FRMD5: variants seen among roughly 807,000 people sequenced by gnomAD.
FRMD5 encodes the protein FERM domain-containing protein 5.
In FRMD5, 20 loss-of-function variants were observed where a neutral mutation model predicts 69.0. That is an observed-to-expected ratio of 0.29 (90% CI 0.20 to 0.42). The LOEUF is 0.42. FRMD5 is among the 10% of genes least tolerant of loss of function. The probability of loss-of-function intolerance (pLI) is 1.00; values close to 1 mark genes in which losing one functional copy is unlikely to be tolerated. For missense variants in FRMD5, 595 were observed against 708.6 expected (o/e 0.84, Z 1.82); for synonymous variants, 271 against 260.1 (o/e 1.04, Z -0.40).
intron 4 of FRMD5, chr15:43,917,644 C>T (rs1164367839): frequency 6.6e-6 from 1 of 152,298 alleles, no homozygotes; most frequent in East Asian, 1.9e-4. Context: ...CTCAGCCTCC[C>T]AAAGTTCTGG....
intron 1 of FRMD5, among the ~76,000 whole-genome samples, chr15:44,017,538 C>G (rs887966125): frequency 6.6e-6 from 1 of 151,834 alleles, no homozygotes; most frequent in African/African-American, 2.4e-5. Flanking sequence ...ACTGTGTACA[C>G]TGATAAATCA....
At chr15:43,992,523 G>C (rs1249667542) in intron 1 of FRMD5, among the ~76,000 whole-genome samples, 3 of 151,986 alleles carry the variant, frequency 2.0e-5, no homozygotes, top group Non-Finnish European at 4.4e-5. Flanking sequence ...GACTACAGGT[G>C]CATGCTACTA....
At chr15:44,083,224 A>G (rs1442227049) in intron 1 of FRMD5, among the ~76,000 whole-genome samples, 2 of 152,026 alleles carry the variant, frequency 1.3e-5, no homozygotes, top group African/African-American at 4.8e-5. Context: ...TCTCTTTGGT[A>G]TGCTAGGAAG....
chr15:44,178,600 T>A (rs1435213141), intron 1 of FRMD5, among the ~76,000 whole-genome samples: 1 of 152,174 alleles, frequency 6.6e-6, no homozygotes, highest in Admixed American at 6.5e-5. Context: ...GAGTCCTCCC[T>A]CTGAAAGGTG....
intron 1 of FRMD5, among the ~76,000 whole-genome samples, chr15:44,008,822 C>T (rs528002569): frequency 3.9e-4 from 59 of 151,840 alleles, no homozygotes; most frequent in African/African-American, 1.4e-3. Context: ...GTCAGAAGAT[C>T]GACACCATCC....
intron 1 of FRMD5, among the ~76,000 whole-genome samples, chr15:44,109,612 T>C (rs917122193): frequency 6.6e-6 from 1 of 152,154 alleles, no homozygotes; most frequent in Non-Finnish European, 1.5e-5. Flanking sequence ...GGTGGTACAT[T>C]TGTTATAATC....
At chr15:44,008,773 T>C (rs1328624334) in intron 1 of FRMD5, among the ~76,000 whole-genome samples, 1 of 151,744 alleles carries the variant, frequency 6.6e-6, no homozygotes, top group Non-Finnish European at 1.5e-5. Flanking sequence ...ACACCTGTAA[T>C]CCCAGCACTT....
rs201130156 is a variant in FRMD5, at chr15:44,185,131, A to G, written c.102+9822T>C. On this transcript the variant is annotated intron_variant, in intron 1 of 13. Coordinates refer to ENST00000417257, the MANE Select transcript of FRMD5 (RefSeq NM_032892.5). ...AGTTTTCAGATTAGCTGTGCTGCTT[A>G]GTTGGTTCAGTGTTTTATGTTCTGT... Among the ~76,000 whole-genome samples the G allele has an allele frequency of 1.2e-4, 18 of 152,352 alleles. No individual in the cohort carries two copies. The East Asian group carries it at 3.3e-3, about 28-fold the overall frequency.
chr15:43,928,468 A>C (rs1248011035), intron 1 of FRMD5, among the ~76,000 whole-genome samples: 1 of 152,212 alleles, frequency 6.6e-6, no homozygotes, highest in South Asian at 2.1e-4. Flanking sequence ...TGGCTGGTGG[A>C]GTGGCCTGAG....
chr15:44,122,717 G>A (rs1261777187), intron 1 of FRMD5, among the ~76,000 whole-genome samples: 3 of 152,044 alleles, frequency 2.0e-5, no homozygotes, highest in Non-Finnish European at 2.9e-5. Context: ...TGGCTAACAC[G>A]GTGAAACCCC....
rs113539845 is a variant in FRMD5 at position 43,877,351 on chromosome 15, T to C, written c.1136-2889A>G. Among the ~76,000 whole-genome samples the C allele has an allele frequency of 5.1e-3, 778 of 152,354 alleles. 8 individuals carry two copies. The highest frequency in any genetic ancestry group is 0.018 in the African/African-American group (737 of 41,592). On this transcript the variant is annotated intron_variant, in intron 13 of 13. Transcript: ENST00000417257. ...CCAAAGGGTCTCTTTTTTCCCCTTCTTCCAGGACATGAAGCAGTCCAAAGG... is the reference window on the plus strand; with the variant it reads ...CCAAAGGGTCTCTTTTTTCCCCTTCCTCCAGGACATGAAGCAGTCCAAAGG...
chr15:44,091,290 CAT>C (rs1371799809), intron 1 of FRMD5, among the ~76,000 whole-genome samples: 7 of 152,046 alleles, frequency 4.6e-5, no homozygotes, highest in Non-Finnish European at 1.0e-4. Flanking sequence ...TAGCACTTGG[CAT>C]ATGTTTATGA....
At chr15:44,073,423 T>C (rs1893623236) in intron 1 of FRMD5, among the ~76,000 whole-genome samples, 1 of 152,212 alleles carries the variant, frequency 6.6e-6, no homozygotes, top group Non-Finnish European at 1.5e-5. Flanking sequence ...TGGATTAATA[T>C]ATTAATTTGA....
At chr15:43,931,249 C>G (rs895013711) in intron 1 of FRMD5, among the ~76,000 whole-genome samples, 1 of 152,156 alleles carries the variant, frequency 6.6e-6, no homozygotes, top group Non-Finnish European at 1.5e-5. Flanking sequence ...TTTTTCCAAC[C>G]AGTGCTGAAT....
At chr15:44,161,003 A>C (rs2077608004) in intron 1 of FRMD5, among the ~76,000 whole-genome samples, 1 of 152,242 alleles carries the variant, frequency 6.6e-6, no homozygotes, top group Non-Finnish European at 1.5e-5. Flanking sequence ...TTCACTAAAT[A>C]GCACCCTCGT....
At chr15:44,141,228 A>G (rs1384554890) in intron 1 of FRMD5, among the ~76,000 whole-genome samples, 1 of 152,198 alleles carries the variant, frequency 6.6e-6, no homozygotes, top group Non-Finnish European at 1.5e-5. Context: ...ATTATGCCAA[A>G]AAAAATCAAT....
At chr15:43,989,154 G>T in intron 1 of FRMD5, 1 of 933,116 alleles carries the variant, frequency 1.1e-6, no homozygotes, top group Non-Finnish European at 1.8e-6. Context: ...GCCAGGCCAG[G>T]ATGGAGCTGC....
In FRMD5 at chr15:43,910,841, A is replaced by G. The variant is rs151315250; in HGVS notation, c.330-862T>C. 4.6e-3 allele frequency among the ~76,000 whole-genome samples: 699 copies of G among 152,362 alleles called. 16 individuals are homozygous for G. Among genetic ancestry groups the G allele is most frequent in the Admixed American group, 0.04 (607 of 15,310 alleles). On this transcript the variant is annotated intron_variant, in intron 4 of 13. Coordinates refer to ENST00000417257, the MANE Select transcript of FRMD5 (RefSeq NM_032892.5). ...TGAGATAGGTACTGTTATTATCCCC[A>G]TTATTACAGATAGAGAAGCTGAGGC... is the stretch of plus-strand genomic sequence containing the variant.
At chr15:44,044,487 C>A (rs1284696212) in intron 1 of FRMD5, among the ~76,000 whole-genome samples, 1 of 152,126 alleles carries the variant, frequency 6.6e-6, no homozygotes, top group East Asian at 1.9e-4. Context: ...AGGCACTACT[C>A]ACAATAGCAA....
Sources: gnomAD v4.1 joint callset for allele counts (sites outside exome capture counted in the v4.1 genomes callset) on GRCh38, gnomAD v4.1.1 for gene constraint, MANE v1.5 for transcripts, NCBI Gene and HGNC (gene_info 2026-07-23, HGNC 2026-07-21) for gene names.